The following PRKN variants were observed in gnomAD, a reference collection of about 807,000 sequenced individuals.
PRKN encodes parkin RBR E3 ubiquitin protein ligase.
A neutral mutation model predicts 59.5 loss-of-function variants in PRKN; 56 were observed. That is an observed-to-expected ratio of 0.94 (90% CI 0.76 to 1.18). PRKN has a LOEUF of 1.18. PRKN is among the 50% of genes most tolerant of loss of function. The pLI is 0.00. For synonymous variants in PRKN, 250 were observed against 222.1 expected, an observed-to-expected ratio of 1.13 and a Z score of -1.12; for missense variants, 657 against 596.4, an observed-to-expected ratio of 1.10 and a Z score of -1.06.
At chr6:162,053,145 G>A (rs1228264801) in intron 5 of PRKN, among the ~76,000 whole-genome samples, 3 of 152,186 alleles carry the variant, frequency 2.0e-5, no homozygotes, top group Admixed American at 1.3e-4. Flanking sequence ...CTAGCCCTAG[G>A]CTGGTGGAGA....
At chr6:162,488,059 G>C (rs889935420) in intron 1 of PRKN, among the ~76,000 whole-genome samples, 1 of 143,544 alleles carries the variant, frequency 7.0e-6, no homozygotes, top group African/African-American at 2.6e-5. Context: ...TTTTGGCGGA[G>C]GGTTAAACAC....
At chr6:162,663,884 T>C (rs1562479903) in intron 1 of PRKN, among the ~76,000 whole-genome samples, 2 of 152,126 alleles carry the variant, frequency 1.3e-5, no homozygotes, top group African/African-American at 4.8e-5. Context: ...ACTTTTTTTT[T>C]CATTTTATTT....
In PRKN at chr6:161,454,685, G is replaced by C. The variant is rs1462363119; in HGVS notation, c.1084-67808C>G. Among the ~76,000 whole-genome samples, 2 of 152,180 alleles carry C rather than the reference G, an allele frequency of 1.3e-5. No individual in the cohort carries two copies. The highest frequency in any genetic ancestry group is 1.3e-4 in the Admixed American group (2 of 15,276). On this transcript the variant is annotated intron_variant, in intron 9 of 11. Coordinates refer to ENST00000366898, the MANE Select transcript of PRKN (RefSeq NM_004562.3). The surrounding 1 kb of genome is among the most constrained non-coding windows in gnomAD (Gnocchi z 4.6). ...TGTGGGTTGAAAAGCACCAAAGCCA[G>C]TGTGAGAAATCCAGCCCACCATTAG...
At chr6:162,671,092 C>G (rs1031511984) in intron 1 of PRKN, among the ~76,000 whole-genome samples, 4 of 152,146 alleles carry the variant, frequency 2.6e-5, no homozygotes, top group African/African-American at 9.7e-5. Flanking sequence ...AAAAGGAAAT[C>G]AAGCTCTATA....
In PRKN at chr6:161,526,019, T is replaced by C. The variant is rs1394204593; in HGVS notation, c.1083+22835A>G. ...TGCCTGTAACCCAAATCTGTGTATA[T>C]AAGCAATTTAGTATTGTGTATCTTC... On this transcript the variant is annotated intron_variant, in intron 9 of 11. Coordinates refer to ENST00000366898, the MANE Select transcript of PRKN (RefSeq NM_004562.3). This position sits in a 1 kb window ranked among gnomAD's most constrained non-coding sequence, Gnocchi z 4.1. 1.3e-5 allele frequency among the ~76,000 whole-genome samples: 2 copies of C among 152,206 alleles called. No individual in the cohort carries two copies. The highest frequency in any genetic ancestry group is 4.8e-5 in the African/African-American group (2 of 41,452).
chr6:162,385,744 T>G (rs905283658), intron 2 of PRKN, among the ~76,000 whole-genome samples: 1 of 151,976 alleles, frequency 6.6e-6, no homozygotes, highest in African/African-American at 2.4e-5. Flanking sequence ...CATCCCTGAC[T>G]TTTTGGTCCT....
At chr6:162,521,368 G>C (rs964473069) in intron 1 of PRKN, among the ~76,000 whole-genome samples, 3 of 152,116 alleles carry the variant, frequency 2.0e-5, no homozygotes, top group Non-Finnish European at 2.9e-5. Context: ...GTAAGTTATG[G>C]CTGCATTTAA....
At chr6:161,690,892 C>T (rs768137116) in intron 7 of PRKN, among the ~76,000 whole-genome samples, 12 of 152,140 alleles carry the variant, frequency 7.9e-5, no homozygotes, top group East Asian at 1.9e-4. Flanking sequence ...CCTCCATAAA[C>T]GCAAGAACCA....
At chr6:162,076,605 A>G (rs1778838085) in intron 4 of PRKN, among the ~76,000 whole-genome samples, 1 of 152,112 alleles carries the variant, frequency 6.6e-6, no homozygotes, top group African/African-American at 2.4e-5. Flanking sequence ...TTAGGTGAAA[A>G]CTAACTAAAT....
At position 161,635,961 on chromosome 6, in the gene PRKN, G is replaced by A. The variant is rs904543919; in HGVS notation, c.872-66545C>T. Among the ~76,000 whole-genome samples the A allele has an allele frequency of 5.1e-4, 77 of 152,166 alleles. 1 individual carries two copies. The highest frequency in any genetic ancestry group is 1.8e-3 in the African/African-American group (73 of 41,446). ...CCACCAAGGGCTGAATGTGAAGACA[G>A]GTGCCCCTTCATCCACACATGCCCC... On this transcript the variant is annotated intron_variant, in intron 7 of 11. Transcript: ENST00000366898.
chr6:161,725,201 T>C (rs1173222584), intron 7 of PRKN, among the ~76,000 whole-genome samples: 3 of 152,214 alleles, frequency 2.0e-5, no homozygotes, highest in Non-Finnish European at 2.9e-5. Context: ...CAGGACGGCC[T>C]AACACGGTGG....
intron 6 of PRKN, among the ~76,000 whole-genome samples, chr6:161,813,268 G>A (rs576198454): frequency 5.9e-5 from 9 of 152,200 alleles, no homozygotes; most frequent in Middle Eastern, 6.8e-3. Context: ...TCCCAGGTGC[G>A]CACCTGAGCA....
intron 6 of PRKN, among the ~76,000 whole-genome samples, 160 bp downstream of exon 6, chr6:161,973,142 C>A (rs527955107): frequency 6.6e-6 from 1 of 152,042 alleles, no homozygotes; most frequent in Non-Finnish European, 1.5e-5. Flanking sequence ...ATTGGGCAGA[C>A]GCATCAAAAT....
intron 2 of PRKN, among the ~76,000 whole-genome samples, chr6:162,332,387 C>T (rs990437278): frequency 6.6e-6 from 1 of 152,188 alleles, no homozygotes; most frequent in Non-Finnish European, 1.5e-5. Flanking sequence ...GCCCCTCTCT[C>T]TCCTGAGCCC....
At chr6:162,129,569 G>A (rs1387113564) in intron 4 of PRKN, among the ~76,000 whole-genome samples, 1 of 152,124 alleles carries the variant, frequency 6.6e-6, no homozygotes, top group Non-Finnish European at 1.5e-5. Context: ...GAAAAACTTG[G>A]AACGTTCCTC....
chr6:162,022,538 GTTGAT>G (rs1009126318), intron 5 of PRKN, among the ~76,000 whole-genome samples: 33 of 152,062 alleles, frequency 2.2e-4, no homozygotes, highest in African/African-American at 5.5e-4. Context: ...TGTTGTTGTT[GTTGAT>G]TTAAGTTTCT....
chr6:161,989,794 C>A (rs1326837845), intron 5 of PRKN, among the ~76,000 whole-genome samples: 1 of 152,092 alleles, frequency 6.6e-6, no homozygotes, highest in African/African-American at 2.4e-5. Context: ...TGCCGGTGCC[C>A]ACATACTTTG....
At chr6:161,990,599 A>G (rs1318227902) in intron 5 of PRKN, among the ~76,000 whole-genome samples, 1 of 152,238 alleles carries the variant, frequency 6.6e-6, no homozygotes, top group Non-Finnish European at 1.5e-5. Context: ...TGGAGAATTC[A>G]ATGAATGAAA....
rs531762116 is a variant in PRKN, at chr6:162,476,702, G to A, written c.8-33229C>T. Among the ~76,000 whole-genome samples the A allele has an allele frequency of 8.6e-5, 13 of 151,320 alleles. No individual in the cohort carries two copies. In the East Asian group the frequency reaches 2.1e-3, roughly 25 times the overall value. ...CATGAACAAGAGAAGATCAGCAAAC[G>A]TGATACCCCAGCCACAAGAGTAACA... is the stretch of plus-strand genomic sequence containing the variant. On this transcript the variant is annotated intron_variant, in intron 1 of 11. Coordinates refer to ENST00000366898, the MANE Select transcript of PRKN (RefSeq NM_004562.3).
Sources: gnomAD v4.1 joint callset for allele counts (sites outside exome capture counted in the v4.1 genomes callset) on GRCh38, gnomAD v4.1.1 for gene constraint, Gnocchi (gnomAD v3.1) non-coding constraint, MANE v1.5 for transcripts, NCBI Gene and HGNC (gene_info 2026-07-23, HGNC 2026-07-21) for gene names.